WDR70: variants seen among roughly 807,000 people sequenced by gnomAD.
WDR70 encodes the protein WD repeat domain 70, also known as WD repeat-containing protein 70.
In WDR70, 53 loss-of-function variants were observed where a neutral mutation model predicts 88.6. That is an observed-to-expected ratio of 0.60 (90% CI 0.48 to 0.75). The LOEUF is 0.75. WDR70 is among the 30% of genes least tolerant of loss of function. The pLI is 0.00. For missense variants in WDR70, 610 were observed against 823.2 expected, an observed-to-expected ratio of 0.74 and a Z score of 3.17; for synonymous variants, 280 against 270.0, an observed-to-expected ratio of 1.04 and a Z score of -0.36.
Position 37,443,231 on chromosome 5 carries a change from A to C in WDR70, c.553-8A>C. 6.3e-7 allele frequency: 1 copy of C among 1,597,058 alleles called. No individual in the cohort carries two copies. Among genetic ancestry groups the C allele is most frequent in the Non-Finnish European group, 8.5e-7 (1 of 1,171,684 alleles). ...TCCGGTCATTTTATTTTATTTTTTT[A>C]AAACCAGGTGTCTGCTTTGGGTCTG... is the stretch of plus-strand genomic sequence containing the variant. On this transcript the variant is annotated splice_polypyrimidine_tract_variant and splice_region_variant and intron_variant, in intron 6 of 17. Coordinates refer to ENST00000265107, the MANE Select transcript of WDR70 (RefSeq NM_018034.4).
At chr5:37,631,234 G>T (rs897045279) in intron 10 of WDR70, among the ~76,000 whole-genome samples, 3 of 152,058 alleles carry the variant, frequency 2.0e-5, no homozygotes, top group African/African-American at 7.3e-5. Context: ...AGTCTGGGGG[G>T]ACAAATGCCA....
At chr5:37,729,284 T>C (rs1307611097) in intron 17 of WDR70, among the ~76,000 whole-genome samples, 2 of 152,154 alleles carry the variant, frequency 1.3e-5, no homozygotes, top group African/African-American at 2.4e-5. Flanking sequence ...CTGGATGTGC[T>C]CCTTGCTACT....
intron 5 of WDR70, among the ~76,000 whole-genome samples, chr5:37,410,845 T>G (rs748450209): frequency 6.6e-6 from 1 of 152,210 alleles, no homozygotes; most frequent in Non-Finnish European, 1.5e-5. Context: ...AGCATAGAAC[T>G]GTAAATAAAC....
intron 8 of WDR70, among the ~76,000 whole-genome samples, chr5:37,505,393 G>T (rs1201792867): frequency 6.6e-6 from 1 of 152,120 alleles, no homozygotes; most frequent in Non-Finnish European, 1.5e-5. Flanking sequence ...GCTTGGTCTG[G>T]TATTGAGTGG....
chr5:37,706,638 C>T (rs368413685), intron 13 of WDR70, among the ~76,000 whole-genome samples: 16 of 151,908 alleles, frequency 1.1e-4, no homozygotes, highest in Admixed American at 5.3e-4. Context: ...TGTGGAACTG[C>T]GAGTCAATTA....
At chr5:37,604,526 G>A (rs192953916) in intron 9 of WDR70, among the ~76,000 whole-genome samples, 33 of 152,306 alleles carry the variant, frequency 2.2e-4, no homozygotes, top group Admixed American at 9.2e-4. Flanking sequence ...AGCTGTTGTT[G>A]CTTGTTGCTT....
intron 10 of WDR70, among the ~76,000 whole-genome samples, chr5:37,653,776 A>G (rs902181788): frequency 6.6e-6 from 1 of 152,194 alleles, no homozygotes; most frequent in South Asian, 2.1e-4. Flanking sequence ...CTGTGGGATC[A>G]GTGGTGATAT....
chr5:37,648,350 C>T (rs1214589643), intron 10 of WDR70, among the ~76,000 whole-genome samples: 2 of 152,000 alleles, frequency 1.3e-5, no homozygotes, highest in Non-Finnish European at 2.9e-5. Flanking sequence ...TGAAAGACAC[C>T]ATACCATGTC....
chr5:37,461,493 C>T (rs933041981), intron 7 of WDR70, among the ~76,000 whole-genome samples: 13 of 151,532 alleles, frequency 8.6e-5, no homozygotes, highest in African/African-American at 2.7e-4. Flanking sequence ...GTAAACTGTG[C>T]AACAGAGTGA....
chr5:37,422,294 CTT>C (rs1554138505), intron 5 of WDR70, among the ~76,000 whole-genome samples: 3 of 145,808 alleles, frequency 2.1e-5, no homozygotes, highest in Admixed American at 6.8e-5. Context: ...TTCCTTTTTT[CTT>C]TTTTTTTTTT....
chr5:37,419,720 C>A (rs1311025914), intron 5 of WDR70, among the ~76,000 whole-genome samples: 1 of 151,896 alleles, frequency 6.6e-6, no homozygotes, highest in Non-Finnish European at 1.5e-5. Context: ...GAGGCTGAGG[C>A]AGGAGAATTG....
At chr5:37,456,760 A>T (rs1467058683) in intron 7 of WDR70, among the ~76,000 whole-genome samples, 4 of 152,204 alleles carry the variant, frequency 2.6e-5, no homozygotes, top group Admixed American at 1.3e-4. Context: ...TCAAAAACAA[A>T]ATTAAAAGAC....
At chr5:37,445,098 C>G (rs1420828180) in intron 7 of WDR70, among the ~76,000 whole-genome samples, 1 of 152,120 alleles carries the variant, frequency 6.6e-6, no homozygotes, top group African/African-American at 2.4e-5. Context: ...TATCTCCTCT[C>G]CAATATTTCC....
intron 9 of WDR70, among the ~76,000 whole-genome samples, chr5:37,551,080 G>A (rs1327411637): frequency 6.6e-6 from 1 of 152,070 alleles, no homozygotes; most frequent in Non-Finnish European, 1.5e-5. Flanking sequence ...GAGGCAGGTG[G>A]ATCACCTGAG....
intron 10 of WDR70, among the ~76,000 whole-genome samples, chr5:37,622,126 C>T (rs541951475): frequency 6.6e-6 from 1 of 152,246 alleles, no homozygotes; most frequent in Admixed American, 6.5e-5. Flanking sequence ...GTTTTGGTTA[C>T]TGTAGCCAAA....
At chr5:37,420,698 G>A (rs1749919990) in intron 5 of WDR70, among the ~76,000 whole-genome samples, 1 of 152,034 alleles carries the variant, frequency 6.6e-6, no homozygotes, top group Non-Finnish European at 1.5e-5. Context: ...GATGACATGA[G>A]GTTGAGAGTT....
chr5:37,624,809 A>AG (rs1474741193), intron 10 of WDR70, among the ~76,000 whole-genome samples: 2 of 152,256 alleles, frequency 1.3e-5, no homozygotes, highest in East Asian at 3.9e-4. Context: ...GAAACTCAGG[A>AG]GGGTCATCTG....
At chr5:37,684,873 G>A (rs1014792207) in intron 10 of WDR70, among the ~76,000 whole-genome samples, 33 of 152,372 alleles carry the variant, frequency 2.2e-4, no homozygotes, top group African/African-American at 7.7e-4. Flanking sequence ...GTACTGGGGT[G>A]CCTGCCTCTG....
chr5:37,436,342 CA>C (rs1436610775), intron 5 of WDR70, among the ~76,000 whole-genome samples: 16 of 152,088 alleles, frequency 1.1e-4, no homozygotes, highest in African/African-American at 3.6e-4. Flanking sequence ...TCATAGTTTG[CA>C]AATGAAACTG....
Sources: gnomAD v4.1 joint callset for allele counts (sites outside exome capture counted in the v4.1 genomes callset) on GRCh38, gnomAD v4.1.1 for gene constraint, MANE v1.5 for transcripts, NCBI Gene and HGNC (gene_info 2026-07-23, HGNC 2026-07-21) for gene names.